The following EPHB1 variants were observed in gnomAD, a reference collection of about 807,000 sequenced individuals.
The protein encoded by EPHB1 is ephrin type-B receptor 1.
EPHB1 carries 30 observed loss-of-function variants against 94.4 expected under a neutral mutation model. The observed-to-expected ratio is 0.32, with a 90% CI of 0.24 to 0.43. The LOEUF (loss-of-function observed/expected upper bound fraction) is 0.43, where lower values mean the gene tolerates loss of function less well. Ranked by LOEUF, EPHB1 falls within the 20% of genes least tolerant of loss-of-function variation. The probability of loss-of-function intolerance (pLI) is 1.00; values close to 1 mark genes in which losing one functional copy is unlikely to be tolerated. For missense variants in EPHB1, 1,055 were observed against 1,308.3 expected (o/e 0.81, Z 2.99); for synonymous variants, 522 against 489.1 (o/e 1.07, Z -0.89).
chr3:135,181,800 C>G (rs1942159497), intron 10 of EPHB1, among the ~76,000 whole-genome samples: 1 of 151,842 alleles, frequency 6.6e-6, no homozygotes, highest in Non-Finnish European at 1.5e-5. Context: ...ATTGATAGTT[C>G]TGCCCCATCC....
chr3:135,113,219 T>G (rs1576395631), intron 4 of EPHB1, among the ~76,000 whole-genome samples: 1 of 152,184 alleles, frequency 6.6e-6, no homozygotes, highest in East Asian at 1.9e-4. Context: ...GAAAGGAGTG[T>G]GACTGCAAGC....
At chr3:134,838,690 C>T (rs1016457692) in intron 1 of EPHB1, among the ~76,000 whole-genome samples, 2 of 152,112 alleles carry the variant, frequency 1.3e-5, no homozygotes. Context: ...GCCTTTATTG[C>T]TCTTTGAAAA....
chr3:135,161,157 C>G (rs182359623), intron 6 of EPHB1, among the ~76,000 whole-genome samples: 2 of 152,214 alleles, frequency 1.3e-5, no homozygotes, highest in African/African-American at 4.8e-5. Flanking sequence ...TAAGGGCACT[C>G]ACGATGAGAA....
intron 3 of EPHB1, among the ~76,000 whole-genome samples, chr3:135,096,369 T>A (rs143132079): frequency 6.6e-6 from 1 of 152,334 alleles, no homozygotes; most frequent in Non-Finnish European, 1.5e-5. Flanking sequence ...CCTAGAGCAG[T>A]GGTCCTCAGA....
Position 135,106,546 on chromosome 3 carries a change from A to T in EPHB1, c.904A>T (p.Thr302Ser), listed in dbSNP as rs766360874. 8.7e-6 allele frequency: 14 copies of T among 1,613,866 alleles called. No individual in the cohort carries two copies. The highest frequency in any genetic ancestry group is 1.6e-4 in the Middle Eastern group (1 of 6,084). ...RSPAEASPIC[T>S]CRTGYYRADF... is the part of the protein sequence containing the mutation. ...CCCTGCAGAGGCGTCTCCCATCTGC[A>T]CCTGTCGGACCGGTTATTACCGAGC... Residue 302 changes from threonine (T) to serine (S), a missense_variant, in exon 4 of 16, where the codon ACC (threonine) becomes TCC (serine). Transcript: ENST00000398015.
chr3:135,183,006 TTTTCTTTTCTTTTCTTTTCTTTTCTTTC>T (rs1942201202), intron 10 of EPHB1, among the ~76,000 whole-genome samples: 6 of 63,038 alleles, frequency 9.5e-5, no homozygotes, highest in Admixed American at 1.9e-4. Context: ...TTTTCTTTTC[TTTTCTTTTCTTTTCTTTTCTTTTCTTTC>T]TTTCTTTCTT....
rs758548012 is a variant in EPHB1, at chr3:135,106,441, G to T, written c.806-7G>T. 4.3e-6 allele frequency: 7 copies of T among 1,613,952 alleles called. No individual in the cohort carries two copies. Among genetic ancestry groups the T allele is most frequent in the South Asian group, 1.1e-5 (1 of 91,078 alleles). On this transcript the variant is annotated splice_polypyrimidine_tract_variant and splice_region_variant and intron_variant, in intron 3 of 15. Coordinates refer to ENST00000398015, the MANE Select transcript of EPHB1 (RefSeq NM_004441.5). ...ATTAATTATCACATGGTCTCTTTGTGTTCTAGCTTGCCCTGCAGGGACATT... is the reference window on the plus strand; with the variant it reads ...ATTAATTATCACATGGTCTCTTTGTTTTCTAGCTTGCCCTGCAGGGACATT...
At chr3:134,993,908 G>A (rs1214567080) in intron 3 of EPHB1, among the ~76,000 whole-genome samples, 1 of 152,156 alleles carries the variant, frequency 6.6e-6, no homozygotes, top group Non-Finnish European at 1.5e-5. Context: ...GTCACCTCTG[G>A]GCTGTCATAC....
At chr3:134,877,784 G>A (rs1233081938) in intron 1 of EPHB1, among the ~76,000 whole-genome samples, 3 of 152,172 alleles carry the variant, frequency 2.0e-5, no homozygotes, top group Admixed American at 1.3e-4. Context: ...CATACCCGTG[G>A]TTTCGGCCCC....
At chr3:134,849,708 A>T (rs924073380) in intron 1 of EPHB1, among the ~76,000 whole-genome samples, 2 of 152,092 alleles carry the variant, frequency 1.3e-5, no homozygotes, top group African/African-American at 2.4e-5. Context: ...TGGATCAGGA[A>T]CCATTTGTGC....
At chr3:135,218,350 T>C (rs905530469) in intron 12 of EPHB1, among the ~76,000 whole-genome samples, 4 of 152,204 alleles carry the variant, frequency 2.6e-5, no homozygotes, top group African/African-American at 9.6e-5. Flanking sequence ...CTGGGTCACT[T>C]TGTTACCAAT....
intron 3 of EPHB1, among the ~76,000 whole-genome samples, chr3:134,998,617 T>G (rs1935074348): frequency 6.6e-6 from 1 of 152,196 alleles, no homozygotes; most frequent in Non-Finnish European, 1.5e-5. Context: ...GACACTATAA[T>G]AAATTTGCTA....
chr3:135,250,833 C>T (rs1211424287), intron 15 of EPHB1, among the ~76,000 whole-genome samples: 1 of 152,120 alleles, frequency 6.6e-6, no homozygotes, highest in African/African-American at 2.4e-5. Flanking sequence ...ATTCATTCAT[C>T]CATCAGTCTG....
rs1933551578 is a variant in EPHB1, at chr3:135,259,350, A to G, written c.*230A>G. On this transcript the variant is annotated 3_prime_UTR_variant, in exon 16 of 16. Coordinates refer to ENST00000398015, the MANE Select transcript of EPHB1 (RefSeq NM_004441.5). ...CCAAATATATAATAATAAAAATATA[A>G]AAAGGTGATGTTCAACAGAAGTGAA... 2.8e-6 allele frequency: 1 copy of G among 357,328 alleles called. No homozygotes were observed. The highest frequency in any genetic ancestry group is 5.1e-6 in the Non-Finnish European group (1 of 196,456). The allele number at this position is 357,328 out of a possible 1,614,324, so 22.1% of individuals were successfully genotyped here. A position where few individuals can be genotyped will look rare whatever the true frequency, so the allele number is the denominator to read the frequency against.
At chr3:134,887,451 A>G (rs1395112928) in intron 1 of EPHB1, among the ~76,000 whole-genome samples, 1 of 152,234 alleles carries the variant, frequency 6.6e-6, no homozygotes, top group African/African-American at 2.4e-5. Context: ...GAATTGGGAA[A>G]GTCACATTAC....
intron 3 of EPHB1, among the ~76,000 whole-genome samples, chr3:135,075,134 G>A (rs1255486979): frequency 6.6e-6 from 1 of 152,166 alleles, no homozygotes; most frequent in Non-Finnish European, 1.5e-5. Flanking sequence ...CAAAGTATGA[G>A]CCTTTAAGCA....
intron 1 of EPHB1, among the ~76,000 whole-genome samples, chr3:134,859,567 T>C (rs2037202255): frequency 6.6e-6 from 1 of 152,142 alleles, no homozygotes; most frequent in African/African-American, 2.4e-5. Context: ...CCGTTGAGCC[T>C]TCTGCTGGAA....
chr3:135,036,558 C>T (rs1936655157), intron 3 of EPHB1, among the ~76,000 whole-genome samples: 1 of 152,164 alleles, frequency 6.6e-6, no homozygotes, highest in African/African-American at 2.4e-5. Context: ...TTGCTGTCTT[C>T]TACATTAACT....
chr3:134,882,765 C>CCTTTCTTTCTTTCTTCTTT lies in EPHB1; in HGVS notation c.59-43036_59-43035insCTTTCTTTCTTTCTTTCTT, dbSNP rs2037770071. ...TTCTTTCTTCCTTTCTTCCTTCCTT[C>CCTTTCTTTCTTTCTTCTTT]CTTTCTTTCTTTCTTTCTTTCTTTC... On this transcript the variant is annotated intron_variant, in intron 1 of 15. Coordinates refer to ENST00000398015, the MANE Select transcript of EPHB1 (RefSeq NM_004441.5). Among the ~76,000 whole-genome samples, 24 of 79,928 alleles carry CCTTTCTTTCTTTCTTCTTT rather than the reference C, an allele frequency of 3.0e-4. 1 individual carries two copies. Among genetic ancestry groups the CCTTTCTTTCTTTCTTCTTT allele is most frequent in the South Asian group, 9.9e-4 (2 of 2,020 alleles). The allele number at this position is 79,928 out of a possible 152,430, so 52.4% of individuals were successfully genotyped here. A position where few individuals can be genotyped will look rare whatever the true frequency, so the allele number is the denominator to read the frequency against.
Sources: gnomAD v4.1 joint callset for allele counts (sites outside exome capture counted in the v4.1 genomes callset) on GRCh38, gnomAD v4.1.1 for gene constraint, MANE v1.5 for transcripts, NCBI Gene and HGNC (gene_info 2026-07-23, HGNC 2026-07-21) for gene names.